The following FARS2 variants were observed in gnomAD, a reference collection of about 807,000 sequenced individuals.
FARS2 encodes phenylalanyl-tRNA synthetase 2, mitochondrial, also known as phenylalanine--tRNA ligase, mitochondrial.
In FARS2, 40 loss-of-function variants were observed where a neutral mutation model predicts 46.4. The ratio of observed to expected loss-of-function variants is 0.86; its 90% CI spans 0.67 to 1.12. The LOEUF (loss-of-function observed/expected upper bound fraction) is 1.12, where lower values mean the gene tolerates loss of function less well. Among genes scored for constraint, FARS2 ranks in the 50% most tolerant of loss-of-function variants. The pLI, the probability that FARS2 is intolerant of heterozygous loss-of-function variation, is 0.00. For missense variants in FARS2, 513 were observed against 567.9 expected, an observed-to-expected ratio of 0.90 and a Z score of 0.98; for synonymous variants, 234 against 214.9, an observed-to-expected ratio of 1.09 and a Z score of -0.78.
intron 6 of FARS2, among the ~76,000 whole-genome samples, chr6:5,673,246 C>T (rs1267237942): frequency 6.6e-6 from 1 of 152,222 alleles, no homozygotes; most frequent in African/African-American, 2.4e-5. Flanking sequence ...ACGTTTGCGC[C>T]TGGAGGGCAG....
At chr6:5,328,907 T>C (rs975698770) in intron 1 of FARS2, among the ~76,000 whole-genome samples, 2 of 152,064 alleles carry the variant, frequency 1.3e-5, no homozygotes, top group African/African-American at 2.4e-5. Context: ...AAAGAGCTCG[T>C]TTTTCATACT....
At chr6:5,749,141 G>A (rs775898241) in intron 6 of FARS2, among the ~76,000 whole-genome samples, 8 of 152,116 alleles carry the variant, frequency 5.3e-5, no homozygotes, top group South Asian at 2.1e-4. Context: ...CTCTCCTCCC[G>A]TCCCCTCATA....
intron 6 of FARS2, among the ~76,000 whole-genome samples, chr6:5,689,690 T>G (rs7754068): frequency 6.6e-6 from 1 of 151,900 alleles, no homozygotes; most frequent in Non-Finnish European, 1.5e-5. Flanking sequence ...TTTGGGGTGG[T>G]GAGTTCTGTA....
chr6:5,706,648 C>G (rs1427760720), intron 6 of FARS2, among the ~76,000 whole-genome samples: 1 of 152,166 alleles, frequency 6.6e-6, no homozygotes, highest in South Asian at 2.1e-4. Flanking sequence ...TTGAAGGAGG[C>G]CTTCAGCTGC....
At chr6:5,472,974 A>C (rs1765888084) in intron 4 of FARS2, among the ~76,000 whole-genome samples, 1 of 152,210 alleles carries the variant, frequency 6.6e-6, no homozygotes, top group Non-Finnish European at 1.5e-5. Context: ...TATTTGGATG[A>C]AGTATCTGCA....
chr6:5,489,690 G>C (rs759270664), intron 4 of FARS2, among the ~76,000 whole-genome samples: 134 of 152,162 alleles, frequency 8.8e-4, no homozygotes, highest in Non-Finnish European at 1.7e-3. Context: ...AGGCATATTA[G>C]TCTTCAGATA....
chr6:5,479,652 C>T (rs1284766413), intron 4 of FARS2, among the ~76,000 whole-genome samples: 1 of 152,212 alleles, frequency 6.6e-6, no homozygotes, highest in Non-Finnish European at 1.5e-5. Context: ...CAAATCTCTG[C>T]ATAATAAAGC....
chr6:5,328,544 C>T (rs1357739349), intron 1 of FARS2, among the ~76,000 whole-genome samples: 1 of 152,160 alleles, frequency 6.6e-6, no homozygotes, highest in South Asian at 2.1e-4. Flanking sequence ...GGGGGCCAAT[C>T]TCTGCCTCTG....
chr6:5,596,998 G>A lies in FARS2; in HGVS notation c.1066-16171G>A, dbSNP rs1300550030. 2.0e-5 allele frequency among the ~76,000 whole-genome samples: 3 copies of A among 152,220 alleles called. No homozygotes were observed. The East Asian group carries it at 5.8e-4, about 29-fold the overall frequency. On this transcript the variant is annotated intron_variant, in intron 5 of 6. Transcript: ENST00000274680. ...GATAGTTTTGGTCAGGTGACAATGT[G>A]TGAGGTGCTGAGCACCCGCTTTTGC...
At chr6:5,502,077 G>A (rs1582287130) in intron 4 of FARS2, among the ~76,000 whole-genome samples, 1 of 152,188 alleles carries the variant, frequency 6.6e-6, no homozygotes, top group African/African-American at 2.4e-5. Flanking sequence ...AGTGGCTGGG[G>A]CAGTTAACTC....
intron 4 of FARS2, among the ~76,000 whole-genome samples, chr6:5,532,958 A>G (rs1443304175): frequency 6.6e-6 from 1 of 151,608 alleles, no homozygotes; most frequent in Non-Finnish European, 1.5e-5. Context: ...TTTTTTTTTC[A>G]ATATGTAGTA....
intron 6 of FARS2, among the ~76,000 whole-genome samples, chr6:5,723,217 A>T (rs150199158): frequency 4.9e-4 from 74 of 152,350 alleles, no homozygotes; most frequent in African/African-American, 1.7e-3. Flanking sequence ...TGACAGACCC[A>T]AGTACGTGCC....
upstream of FARS2, among the ~76,000 whole-genome samples, chr6:5,259,284 T>A (rs1024576524): frequency 2.0e-5 from 3 of 152,258 alleles, no homozygotes; most frequent in African/African-American, 7.2e-5. Context: ...ATATTTCATG[T>A]GTTTCCTCAA....
intron 1 of FARS2, among the ~76,000 whole-genome samples, chr6:5,315,761 T>TCTTTCTTTCTTCCTTTCTTTCTTTCTTTC (rs1561952069): frequency 7.5e-6 from 1 of 132,706 alleles, no homozygotes; most frequent in African/African-American, 3.1e-5. Context: ...TTTCTTTCTT[T>TCTTTCTTTCTTCCTTTCTTTCTTTCTTTC]TTTTTGGGGA....
At chr6:5,577,043 A>T (rs1228680423) in intron 5 of FARS2, among the ~76,000 whole-genome samples, 1 of 151,528 alleles carries the variant, frequency 6.6e-6, no homozygotes, top group East Asian at 1.9e-4. Flanking sequence ...GTTATGATTT[A>T]GACATTTCAT....
At chr6:5,614,553 G>A (rs1775367839) in intron 6 of FARS2, among the ~76,000 whole-genome samples, 1 of 152,132 alleles carries the variant, frequency 6.6e-6, no homozygotes, top group South Asian at 2.1e-4. Context: ...GGGACTACAG[G>A]CGCCTGCTAC....
chr6:5,697,335 C>T (rs1159568548), intron 6 of FARS2, among the ~76,000 whole-genome samples: 1 of 152,088 alleles, frequency 6.6e-6, no homozygotes, highest in East Asian at 1.9e-4. Flanking sequence ...AATTTGACAA[C>T]GTATAAGAGA....
chr6:5,598,569 G>A (rs952047644), intron 5 of FARS2, among the ~76,000 whole-genome samples: 3 of 152,028 alleles, frequency 2.0e-5, no homozygotes, highest in Non-Finnish European at 2.9e-5. Flanking sequence ...ACTTTCCCTG[G>A]GTATTTCTGT....
rs1757750639 is a variant in FARS2 at position 5,353,939 on chromosome 6, G to GC, written c.-21-14610dup. Among the ~76,000 whole-genome samples the GC allele has an allele frequency of 8.3e-5, 11 of 133,066 alleles. No homozygotes were observed. The South Asian group carries it at 2.5e-3, about 31-fold the overall frequency. The allele number at this position is 133,066 out of a possible 152,430, so 87.3% of individuals were successfully genotyped here. On this transcript the variant is annotated intron_variant, in intron 1 of 6. Transcript: ENST00000274680. ...CCAGGCTTTTCATCTCCTGTTTGCT[G>GC]CTTTTTTTTTTTTTTAAAAGTGATT...
Sources: gnomAD v4.1 joint callset for allele counts (sites outside exome capture counted in the v4.1 genomes callset) on GRCh38, gnomAD v4.1.1 for gene constraint, MANE v1.5 for transcripts, NCBI Gene and HGNC (gene_info 2026-07-23, HGNC 2026-07-21) for gene names.